The following BRINP1 variants were observed in gnomAD, a reference collection of about 807,000 sequenced individuals.
The protein encoded by BRINP1 is BMP/retinoic acid-inducible neural-specific protein 1.
Under a neutral mutation model 72.9 loss-of-function variants are expected in BRINP1, and 17 were observed. The observed-to-expected ratio is 0.23, with a 90% CI of 0.16 to 0.35. The LOEUF (loss-of-function observed/expected upper bound fraction) is 0.35. Ranked by LOEUF, BRINP1 falls within the 10% of genes least tolerant of loss-of-function variation. The probability of loss-of-function intolerance (pLI) is 1.00; values close to 1 mark genes in which losing one functional copy is unlikely to be tolerated. For missense variants in BRINP1, 850 were observed against 1,001.6 expected (o/e 0.85, Z 2.04); for synonymous variants, 418 against 378.5 (o/e 1.10, Z -1.21).
chr9:119,249,869 AGGGAGGG>A (rs1830363337), intron 2 of BRINP1, among the ~76,000 whole-genome samples: 3 of 45,244 alleles, frequency 6.6e-5, no homozygotes, highest in African/African-American at 3.4e-4. Flanking sequence ...GGAGGGAGGG[AGGGAGGG>A]AAGGGAGGAA....
chr9:119,324,586 TG>T (rs1371571434), intron 1 of BRINP1, among the ~76,000 whole-genome samples: 6 of 152,318 alleles, frequency 3.9e-5, no homozygotes, highest in Non-Finnish European at 7.3e-5. Context: ...TATCAAGAAT[TG>T]GAAGATTCAA....
At chr9:119,349,538 T>C (rs189159428) in intron 1 of BRINP1, among the ~76,000 whole-genome samples, 1 of 152,216 alleles carries the variant, frequency 6.6e-6, no homozygotes, top group East Asian at 1.9e-4. Context: ...CTTGTAACAA[T>C]AAAAATACAG....
intron 7 of BRINP1, among the ~76,000 whole-genome samples, chr9:119,172,338 G>C (rs1282629604): frequency 6.6e-6 from 1 of 151,918 alleles, no homozygotes; most frequent in Non-Finnish European, 1.5e-5. Flanking sequence ...TACCATCAGA[G>C]AATACTACAA....
intron 1 of BRINP1, among the ~76,000 whole-genome samples, chr9:119,350,731 C>G (rs748153644): frequency 6.6e-6 from 1 of 151,984 alleles, no homozygotes; most frequent in Non-Finnish European, 1.5e-5. Flanking sequence ...AAGTACTAGC[C>G]CTGGCCGGCT....
At chr9:119,222,429 TA>T (rs1460869175) in intron 5 of BRINP1, among the ~76,000 whole-genome samples, 1 of 152,098 alleles carries the variant, frequency 6.6e-6, no homozygotes, top group Non-Finnish European at 1.5e-5. Flanking sequence ...CCACAAAGCC[TA>T]AAATATTAAT....
At chr9:119,343,664 C>A (rs540324925) in intron 1 of BRINP1, among the ~76,000 whole-genome samples, 1 of 152,112 alleles carries the variant, frequency 6.6e-6, no homozygotes, top group Admixed American at 6.5e-5. Flanking sequence ...TCATTCCTCC[C>A]TCACTCAGTC....
intron 1 of BRINP1, among the ~76,000 whole-genome samples, chr9:119,316,547 G>A (rs1022601758): frequency 3.9e-5 from 6 of 152,222 alleles, no homozygotes; most frequent in African/African-American, 1.2e-4. Flanking sequence ...GACGCCAAAT[G>A]CTCACCTACC....
intron 1 of BRINP1, among the ~76,000 whole-genome samples, chr9:119,346,461 G>A (rs1831453267): frequency 6.6e-6 from 1 of 152,126 alleles, no homozygotes; most frequent in East Asian, 1.9e-4. Context: ...AATTTTGTAA[G>A]GGAAAGGACA....
chr9:119,303,983 G>A (rs748885395), intron 2 of BRINP1, among the ~76,000 whole-genome samples: 1 of 151,416 alleles, frequency 6.6e-6, no homozygotes, highest in Non-Finnish European at 1.5e-5. Flanking sequence ...CGATTCAAGG[G>A]ATTGTCCTGT....
chr9:119,287,941 A>C (rs1830782877), intron 2 of BRINP1, among the ~76,000 whole-genome samples: 1 of 152,332 alleles, frequency 6.6e-6, no homozygotes, highest in East Asian at 1.9e-4. Flanking sequence ...ACCCCCATGT[A>C]ACACGTTTAT....
intron 2 of BRINP1, among the ~76,000 whole-genome samples, chr9:119,262,957 A>G (rs1360673054): frequency 6.6e-6 from 1 of 152,332 alleles, no homozygotes; most frequent in South Asian, 2.1e-4. Context: ...ATAGACAAAG[A>G]ATGTACATTT....
rs1564207138 is a variant in BRINP1, at chr9:119,167,800, T to C, written c.1570A>G (p.Met524Val). The C allele has an allele frequency of 6.2e-7, 1 of 1,613,584 alleles. No individual in the cohort carries two copies. Among genetic ancestry groups the C allele is most frequent in the Non-Finnish European group, 8.5e-7 (1 of 1,179,946 alleles). ...TFFDPRWRKR[M>V]SLTLKSNKNR... ...TTGTTGCTCTTGAGAGTGAGGGACA[T>C]GCGCTTGCGCCACCGAGGGTCAAAG... The change falls in exon 8 of 8, where the codon ATG (methionine) becomes GTG (valine). Residue 524 changes from methionine (M) to valine (V), a missense_variant. Met to Val is a conservative substitution (Grantham distance 21). Transcript: ENST00000265922. The surrounding 1 kb of genome is among the most constrained non-coding windows in gnomAD (Gnocchi z 4.3).
chr9:119,292,556 A>G (rs1830831013), intron 2 of BRINP1, among the ~76,000 whole-genome samples: 1 of 152,230 alleles, frequency 6.6e-6, no homozygotes, highest in Non-Finnish European at 1.5e-5. Flanking sequence ...GAAAACAAAT[A>G]GGGACTAAGA....
In BRINP1 at chr9:119,220,695, A is replaced by G. The variant is rs1830031624; in HGVS notation, c.686-6540T>C. Among the ~76,000 whole-genome samples the G allele has an allele frequency of 2.0e-5, 3 of 152,212 alleles. 1 individual carries two copies. The highest frequency in any genetic ancestry group is 7.2e-5 in the African/African-American group (3 of 41,464). On this transcript the variant is annotated intron_variant, in intron 5 of 7. Transcript: ENST00000265922. ...TTAAAAGTAGTATTGTGTCTGGCAC[A>G]TAGTAGGTTTTTATAAATGTATTTC...
At chr9:119,331,109 G>A (rs1831296395) in intron 1 of BRINP1, among the ~76,000 whole-genome samples, 2 of 152,186 alleles carry the variant, frequency 1.3e-5, no homozygotes, top group East Asian at 3.9e-4. Context: ...TTCAGTTCTT[G>A]TAGTGTGATG....
intron 2 of BRINP1, chr9:119,282,964 C>A: frequency 1.0e-6 from 1 of 985,392 alleles, no homozygotes; most frequent in Non-Finnish European, 1.2e-6. Flanking sequence ...TTAATCACAG[C>A]TGCCAAAGTT....
chr9:119,346,100 ATGCATCAAACAG>A (rs1831449084), intron 1 of BRINP1, among the ~76,000 whole-genome samples: 1 of 152,202 alleles, frequency 6.6e-6, no homozygotes, highest in Non-Finnish European at 1.5e-5. Context: ...TATTAAGTGC[ATGCATCAAACAG>A]TGCATCAAAC....
intron 5 of BRINP1, among the ~76,000 whole-genome samples, chr9:119,230,389 TGA>T (rs1470636175): frequency 6.6e-6 from 1 of 151,982 alleles, no homozygotes; most frequent in African/African-American, 2.4e-5. Context: ...CTGGCTGCTG[TGA>T]GTCAACGGAT....
chr9:119,321,907 G>A (rs374191532), intron 1 of BRINP1, among the ~76,000 whole-genome samples: 5 of 152,096 alleles, frequency 3.3e-5, no homozygotes, highest in Non-Finnish European at 7.4e-5. Flanking sequence ...ATTGGGCAGC[G>A]GGGGTCAGGA....
Sources: allele counts gnomAD v4.1 joint callset (sites outside exome capture counted in the v4.1 genomes callset), GRCh38; gene constraint gnomAD v4.1.1; non-coding constraint Gnocchi (gnomAD v3.1); transcripts MANE v1.5; gene names NCBI Gene and HGNC (gene_info 2026-07-23, HGNC 2026-07-21).